The following FHIT variants were observed in gnomAD, a reference collection of about 807,000 sequenced individuals.
FHIT encodes fragile histidine triad diadenosine triphosphatase.
A neutral mutation model predicts 17.9 loss-of-function variants in FHIT; 19 were observed. The ratio of observed to expected loss-of-function variants is 1.06; its 90% CI spans 0.74 to 1.56. The LOEUF is 1.56. Ranked by LOEUF, FHIT falls within the 40% of genes most tolerant of loss-of-function variation. FHIT has a pLI of 0.00. For missense variants in FHIT, 248 were observed against 189.2 expected, an observed-to-expected ratio of 1.31 and a Z score of -1.82; for synonymous variants, 81 against 69.7, an observed-to-expected ratio of 1.16 and a Z score of -0.81.
At chr3:59,966,072 G>T (rs1707912026) in intron 7 of FHIT, among the ~76,000 whole-genome samples, 1 of 152,162 alleles carries the variant, frequency 6.6e-6, no homozygotes, top group African/African-American at 2.4e-5. Flanking sequence ...TCCAGAGAAA[G>T]ATAATTCTAG....
intron 1 of FHIT, among the ~76,000 whole-genome samples, chr3:61,241,137 C>T (rs1325557104): frequency 6.6e-6 from 1 of 152,158 alleles, no homozygotes; most frequent in Non-Finnish European, 1.5e-5. Flanking sequence ...TCTACCTCTC[C>T]CACACTCTCT....
intron 3 of FHIT, among the ~76,000 whole-genome samples, chr3:61,036,866 C>T (rs1286702850): frequency 2.6e-5 from 4 of 151,312 alleles, no homozygotes; most frequent in Non-Finnish European, 5.9e-5. Context: ...TAAAAAATTA[C>T]CTTCGTGGTT....
intron 2 of FHIT, among the ~76,000 whole-genome samples, chr3:61,158,646 A>G (rs1282552421): frequency 6.8e-6 from 1 of 148,112 alleles, no homozygotes; most frequent in African/African-American, 2.5e-5. Context: ...TTAATTAATT[A>G]GAACTGTCTT....
chr3:59,934,819 G>A (rs566623634), intron 7 of FHIT, among the ~76,000 whole-genome samples: 3 of 152,152 alleles, frequency 2.0e-5, no homozygotes, highest in African/African-American at 7.2e-5. Context: ...ATGAGAACAC[G>A]ATGGGGGAAA....
At chr3:60,582,300 G>A (rs1408502984) in intron 4 of FHIT, among the ~76,000 whole-genome samples, 1 of 152,104 alleles carries the variant, frequency 6.6e-6, no homozygotes, top group Non-Finnish European at 1.5e-5. Context: ...AGGCATGAAT[G>A]TCTAATTGAT....
At chr3:61,014,981 T>A (rs1559910921) in intron 3 of FHIT, among the ~76,000 whole-genome samples, 1 of 151,288 alleles carries the variant, frequency 6.6e-6, no homozygotes, top group Non-Finnish European at 1.5e-5. Flanking sequence ...TTGAAGTGTG[T>A]TAAAAGGTAT....
At chr3:60,472,713 C>T (rs974050909) in intron 5 of FHIT, among the ~76,000 whole-genome samples, 2 of 152,110 alleles carry the variant, frequency 1.3e-5, no homozygotes, top group African/African-American at 2.4e-5. Context: ...ACTTTACATG[C>T]TTTGGTTTCT....
At position 60,077,740 on chromosome 3, in the gene FHIT, G is replaced by C. The variant is rs796366257; in HGVS notation, c.104-63588C>G. Among the ~76,000 whole-genome samples, 403 of 46,958 alleles carry C rather than the reference G, an allele frequency of 8.6e-3. 4 individuals carry two copies. Among genetic ancestry groups the C allele is most frequent in the South Asian group, 0.024 (41 of 1,676 alleles). 30.8% of individuals were successfully genotyped at this position (46,958 alleles called of 152,430 possible). On this transcript the variant is annotated intron_variant, in intron 5 of 9. Coordinates refer to ENST00000492590, the MANE Select transcript of FHIT (RefSeq NM_002012.4). ...CACACACACACACACATATATAGAG[G>C]GGGGGGGGAGGATACAAAGTAACAT...
intron 5 of FHIT, among the ~76,000 whole-genome samples, chr3:60,143,724 A>G (rs1209157496): frequency 1.4e-5 from 2 of 143,208 alleles, no homozygotes; most frequent in Admixed American, 7.0e-5. Context: ...ACCATAACCT[A>G]TCTTCATAAC....
chr3:60,235,087 C>T (rs17062571), intron 5 of FHIT, among the ~76,000 whole-genome samples: 2,792 of 152,160 alleles, frequency 0.018, 74 homozygotes, highest in African/African-American at 0.06. Context: ...CACATCCAAA[C>T]TCAAACATCA....
chr3:59,914,077 G>C (rs34918586), intron 8 of FHIT, among the ~76,000 whole-genome samples: 90,455 of 152,062 alleles, frequency 0.59, 29,775 homozygotes, highest in Non-Finnish European at 0.73. Context: ...GTGTTTGGTA[G>C]CAACACCAAA....
chr3:59,987,396 G>T (rs1036488740), intron 7 of FHIT, among the ~76,000 whole-genome samples: 2 of 151,770 alleles, frequency 1.3e-5, no homozygotes, highest in Non-Finnish European at 2.9e-5. Flanking sequence ...AAAAGCAAAT[G>T]TGTTTCTCTA....
intron 7 of FHIT, among the ~76,000 whole-genome samples, chr3:59,957,041 C>T (rs1478423350): frequency 6.6e-6 from 1 of 152,148 alleles, no homozygotes; most frequent in Non-Finnish European, 1.5e-5. Flanking sequence ...GTCTGTGTTT[C>T]CTTCAGTCCT....
chr3:60,932,722 T>G (rs9758573), intron 3 of FHIT, among the ~76,000 whole-genome samples: 5,128 of 152,254 alleles, frequency 0.034, 288 homozygotes, highest in African/African-American at 0.12. Context: ...TTCCCTTAAA[T>G]CTACCCACAC....
intron 5 of FHIT, among the ~76,000 whole-genome samples, chr3:60,028,392 A>T (rs1421151099): frequency 1.3e-5 from 2 of 152,200 alleles, no homozygotes; most frequent in Non-Finnish European, 2.9e-5. Flanking sequence ...TCTTCAATTC[A>T]CAAATTACCA....
chr3:60,357,879 T>C (rs1699743554), intron 5 of FHIT, among the ~76,000 whole-genome samples: 1 of 152,154 alleles, frequency 6.6e-6, no homozygotes, highest in Admixed American at 6.5e-5. Flanking sequence ...TCCATCCTTC[T>C]CCATCATACT....
intron 5 of FHIT, among the ~76,000 whole-genome samples, chr3:60,017,046 C>T (rs188128020): frequency 1.3e-4 from 20 of 152,246 alleles, no homozygotes; most frequent in Admixed American, 5.2e-4. Context: ...CCCGTCTGTC[C>T]GATTCTAAAG....
intron 5 of FHIT, among the ~76,000 whole-genome samples, chr3:60,122,792 G>C (rs992371164): frequency 1.3e-5 from 2 of 152,152 alleles, no homozygotes; most frequent in African/African-American, 4.8e-5. Context: ...ATTTAGAAGG[G>C]AAGAATAAAT....
chr3:60,989,264 C>T (rs561391390), intron 3 of FHIT, among the ~76,000 whole-genome samples: 2 of 152,146 alleles, frequency 1.3e-5, no homozygotes, highest in South Asian at 4.1e-4. Context: ...ATTCTCCTGT[C>T]GCAGCCTCTC....
Sources: gnomAD v4.1 joint callset for allele counts (sites outside exome capture counted in the v4.1 genomes callset) on GRCh38, gnomAD v4.1.1 for gene constraint, MANE v1.5 for transcripts, NCBI Gene and HGNC (gene_info 2026-07-23, HGNC 2026-07-21) for gene names.